The following KCNH3 variants were observed in gnomAD, a reference collection of about 807,000 sequenced individuals.
The protein encoded by KCNH3 is voltage-gated inwardly rectifying potassium channel KCNH3.
In KCNH3, 36 loss-of-function variants were observed where a neutral mutation model predicts 95.6. The ratio of observed to expected loss-of-function variants is 0.38; its 90% CI spans 0.29 to 0.50. The LOEUF (loss-of-function observed/expected upper bound fraction) is 0.50. Among genes scored for constraint, KCNH3 ranks in the 20% least tolerant of loss-of-function variants. KCNH3 has a pLI of 0.95. For missense variants in KCNH3, 1,030 were observed against 1,484.1 expected, an observed-to-expected ratio of 0.69 and a Z score of 5.03; for synonymous variants, 620 against 646.3, an observed-to-expected ratio of 0.96 and a Z score of 0.62.
chr12:49,541,891 T>C, intron 3 of KCNH3, 127 bp downstream of exon 3: 3 of 969,228 alleles, frequency 3.1e-6, no homozygotes, highest in Non-Finnish European at 4.7e-6. Flanking sequence ...TCAGGCTGCC[T>C]GAGAGGCCTG....
In KCNH3 at chr12:49,539,276, G is replaced by A. The variant is rs1189303540; in HGVS notation, c.-141G>A. The A allele has an allele frequency of 6.1e-6, 2 of 326,788 alleles. No individual in the cohort carries two copies. The highest frequency in any genetic ancestry group is 4.4e-5 in the African/African-American group (2 of 45,272). The allele number at this position is 326,788 out of a possible 1,614,324, so 20.2% of individuals were successfully genotyped here. ...CGCGCCAGCGTCCGGCGCGACCCCG[G>A]ATCCCGGTCTGCGCATTGCCCCCCG... On this transcript the variant is annotated 5_prime_UTR_variant, in exon 1 of 15. Coordinates refer to ENST00000257981, the MANE Select transcript of KCNH3 (RefSeq NM_012284.3). The surrounding 1 kb of genome is among the most constrained non-coding windows in gnomAD (Gnocchi z 6.7).
chr12:49,541,009 C>A lies in KCNH3; in HGVS notation c.187C>A (p.Arg63=). The part of the protein sequence containing the change: ...TGFSRAEVMQ[R]GCACSFLYGP... ...CTTCTCCCGGGCTGAGGTCATGCAGCGGGGCTGTGCCTGCTCCTTCCTTTA... is the reference window on the plus strand; with the variant it reads ...CTTCTCCCGGGCTGAGGTCATGCAGAGGGGCTGTGCCTGCTCCTTCCTTTA... Residue 63 remains arginine (R), a synonymous_variant, in exon 2 of 15, where the codon CGG becomes AGG. Coordinates refer to ENST00000257981, the MANE Select transcript of KCNH3 (RefSeq NM_012284.3). The A allele has an allele frequency of 6.2e-7, 1 of 1,614,084 alleles. No individual in the cohort carries two copies. The highest frequency in any genetic ancestry group is 8.5e-7 in the Non-Finnish European group (1 of 1,180,022).
chr12:49,549,720 G>A, intron 9 of KCNH3, 80 bp downstream of exon 9: 1 of 1,372,414 alleles, frequency 7.3e-7, no homozygotes, highest in Non-Finnish European at 1.0e-6. Context: ...AGGAGTGGGG[G>A]AGGATGAATG....
In KCNH3 at chr12:49,539,499, C is replaced by T. The variant is rs1054651487; in HGVS notation, c.76+7C>T. On this transcript the variant is annotated splice_region_variant and intron_variant, in intron 1 of 14. Transcript: ENST00000257981. This position sits in a 1 kb window ranked among gnomAD's most constrained non-coding sequence, Gnocchi z 6.7. Reference sequence around the variant, plus strand: ...ACGCGCTTCGACGGCACGCGTGAGTCCGACCCTCGCCCACTTGCACCCGGG... The same window carrying T: ...ACGCGCTTCGACGGCACGCGTGAGTTCGACCCTCGCCCACTTGCACCCGGG... 1 of 1,588,160 alleles carries T rather than the reference C, an allele frequency of 6.3e-7. No homozygotes were observed. Among genetic ancestry groups the T allele is most frequent in the Admixed American group, 1.8e-5 (1 of 56,790 alleles).
Position 49,539,381 on chromosome 12 carries a change from C to A in KCNH3, c.-36C>A. 1 of 1,470,854 alleles carries A rather than the reference C, an allele frequency of 6.8e-7. No individual in the cohort carries two copies. Among genetic ancestry groups the A allele is most frequent in the East Asian group, 2.9e-5 (1 of 35,046 alleles). 91.1% of individuals were successfully genotyped at this position (1,470,854 alleles called of 1,614,324 possible). A position where few individuals can be genotyped will look rare whatever the true frequency, so the allele number is the denominator to read the frequency against. ...TCCCCCGGCGCGGAGTCCCCGCACC[C>A]CGGAGGGATGGGGCGGGCAGCCGCG... On this transcript the variant is annotated 5_prime_UTR_variant, in exon 1 of 15. Coordinates refer to ENST00000257981, the MANE Select transcript of KCNH3 (RefSeq NM_012284.3). The surrounding 1 kb of genome is among the most constrained non-coding windows in gnomAD (Gnocchi z 6.7).
At chr12:49,552,900 A>G (rs1047805712) in intron 10 of KCNH3, among the ~76,000 whole-genome samples, 3 of 152,234 alleles carry the variant, frequency 2.0e-5, no homozygotes, top group Non-Finnish European at 4.4e-5. Context: ...CAAGAAAATC[A>G]AGTGTTAAAC....
intron 13 of KCNH3, chr12:49,556,754 T>C: frequency 1.5e-6 from 1 of 677,288 alleles, no homozygotes; most frequent in Non-Finnish European, 2.7e-6. Context: ...TTCCTGTCTG[T>C]AAAAAAATGG....
At chr12:49,550,042 C>A in intron 9 of KCNH3, 38 bp from the exon 10 acceptor site, 1 of 1,480,064 alleles carries the variant, frequency 6.8e-7, no homozygotes, top group Non-Finnish European at 9.2e-7. Flanking sequence ...TCTTCTGCCA[C>A]TCCCAACCCC....
At position 49,539,656 on chromosome 12, in the gene KCNH3, G is replaced by A. The variant is rs1472292293; in HGVS notation, c.76+164G>A. Among the ~76,000 whole-genome samples, 1 of 152,144 alleles carries A rather than the reference G, an allele frequency of 6.6e-6. No homozygotes were observed. Among genetic ancestry groups the A allele is most frequent in the Non-Finnish European group, 1.5e-5 (1 of 68,030 alleles). On this transcript the variant is annotated intron_variant, in intron 1 of 14. Coordinates refer to ENST00000257981, the MANE Select transcript of KCNH3 (RefSeq NM_012284.3). This position sits in a 1 kb window ranked among gnomAD's most constrained non-coding sequence, Gnocchi z 6.7. Reference sequence around the variant, plus strand: ...GGGCCATCGTCTCCTGCTAGGCGCTGTTTCCCCGAAGGTTCGAAGGTTCGG... The same window carrying A: ...GGGCCATCGTCTCCTGCTAGGCGCTATTTCCCCGAAGGTTCGAAGGTTCGG...
intron 3 of KCNH3, 94 bp from the exon 4 acceptor site, chr12:49,542,612 G>A: frequency 7.1e-7 from 1 of 1,406,578 alleles, no homozygotes; most frequent in Non-Finnish European, 9.5e-7. Flanking sequence ...AGCCAGACCA[G>A]TCCATGGGCC....
intron 7 of KCNH3, among the ~76,000 whole-genome samples, chr12:49,547,682 C>G (rs1055542883): frequency 2.6e-5 from 4 of 152,080 alleles, no homozygotes; most frequent in Admixed American, 1.3e-4. Context: ...CAAGTGTGTG[C>G]GGGCCACAGG....
At position 49,556,830 on chromosome 12, in the gene KCNH3, A is replaced by T. The variant is rs1359731552; in HGVS notation, c.2576-353A>T. The T allele has an allele frequency of 2.2e-5, 14 of 641,196 alleles. No individual in the cohort carries two copies. In the African/African-American group the frequency reaches 2.5e-4, roughly 11 times the overall value. The allele number at this position is 641,196 out of a possible 1,614,324, so 39.7% of individuals were successfully genotyped here. On this transcript the variant is annotated intron_variant, in intron 13 of 14. Coordinates refer to ENST00000257981, the MANE Select transcript of KCNH3 (RefSeq NM_012284.3). ...CCAATCTCTGGCTAACTGAAGGGATAGAGGGCTGGGGATCCAGGGGTGAAA... is the reference window on the plus strand; with the variant it reads ...CCAATCTCTGGCTAACTGAAGGGATTGAGGGCTGGGGATCCAGGGGTGAAA...
intron 3 of KCNH3, 83 bp from the exon 4 acceptor site, chr12:49,542,623 A>G: frequency 6.9e-7 from 1 of 1,449,360 alleles, no homozygotes; most frequent in Non-Finnish European, 9.2e-7. Context: ...TCCATGGGCC[A>G]GCAACTGTGT....
chr12:49,540,915 G>C lies in KCNH3; in HGVS notation c.93G>C (p.Leu31=), dbSNP rs528653367. ...RFDGTHSNFV[L]GNAQVAGLFP... is the part of the protein sequence containing the mutation. ...CTCTTGCAGACAGTAACTTCGTGCTGGGCAACGCCCAGGTGGCGGGGCTCT... is the reference window on the plus strand; with the variant it reads ...CTCTTGCAGACAGTAACTTCGTGCTCGGCAACGCCCAGGTGGCGGGGCTCT... Residue 31 remains leucine, a synonymous_variant, in exon 2 of 15, where the codon CTG becomes CTC. Coordinates refer to ENST00000257981, the MANE Select transcript of KCNH3 (RefSeq NM_012284.3). The C allele has an allele frequency of 2.0e-5, 32 of 1,614,110 alleles. No homozygotes were observed. In the South Asian group the frequency reaches 3.4e-4, roughly 17 times the overall value.
At position 49,544,167 on chromosome 12, in the gene KCNH3, C is replaced by A. The variant is rs1472937526; in HGVS notation, c.982-8C>A. 1 of 1,592,014 alleles carries A rather than the reference C, an allele frequency of 6.3e-7. No individual in the cohort carries two copies. The highest frequency in any genetic ancestry group is 1.7e-5 in the Admixed American group (1 of 58,508). On this transcript the variant is annotated splice_polypyrimidine_tract_variant and splice_region_variant and intron_variant, in intron 6 of 14. Coordinates refer to ENST00000257981, the MANE Select transcript of KCNH3 (RefSeq NM_012284.3). ...CCCTCCCTCCCTCCCTCCCTCCCCGCATCTCAGTACTTCGGGGCCCATCTG... is the reference window on the plus strand; with the variant it reads ...CCCTCCCTCCCTCCCTCCCTCCCCGAATCTCAGTACTTCGGGGCCCATCTG...
rs753139016 is a variant in KCNH3 at position 49,557,238 on chromosome 12, A to G, written c.2631A>G (p.Thr877=). ...CCAGCGAGGCAAGGAACACAGACAC[A>G]CTGGACAAGCTTCGGCAGGCGGTGG... The part of the protein sequence containing the change: ...HGPSEARNTD[T]LDKLRQAVTE... Residue 877 remains threonine (T), a synonymous_variant, in exon 14 of 15, where the codon ACA becomes ACG. Coordinates refer to ENST00000257981, the MANE Select transcript of KCNH3 (RefSeq NM_012284.3). 2 of 1,613,896 alleles carry G rather than the reference A, an allele frequency of 1.2e-6. No individual in the cohort carries two copies. The highest frequency in any genetic ancestry group is 1.1e-5 in the South Asian group (1 of 91,056).
intron 8 of KCNH3, 89 bp from the exon 9 acceptor site, chr12:49,549,352 G>C: frequency 1.3e-6 from 2 of 1,526,112 alleles, no homozygotes; most frequent in Non-Finnish European, 1.8e-6. Flanking sequence ...CCTTGCCTAG[G>C]AGCGTGCGGG....
intron 9 of KCNH3, 59 bp downstream of exon 9, chr12:49,549,699 C>T: frequency 6.7e-7 from 1 of 1,487,450 alleles, no homozygotes; most frequent in South Asian, 1.2e-5. Flanking sequence ...TTGCAATAGC[C>T]TAGAATTATC....
chr12:49,557,312 T>C (rs1938503154), intron 14 of KCNH3, 42 bp from the exon 15 acceptor site: 1 of 1,613,560 alleles, frequency 6.2e-7, no homozygotes, highest in Non-Finnish European at 8.5e-7. Flanking sequence ...AGGCACTCCA[T>C]GGCTGACTCC....
Sources: gnomAD v4.1 joint callset for allele counts (sites outside exome capture counted in the v4.1 genomes callset) on GRCh38, gnomAD v4.1.1 for gene constraint, Gnocchi (gnomAD v3.1) non-coding constraint, MANE v1.5 for transcripts, NCBI Gene and HGNC (gene_info 2026-07-23, HGNC 2026-07-21) for gene names.